SLC12A1: variants seen among roughly 807,000 people sequenced by gnomAD.
SLC12A1 encodes the protein Na-K-2Cl cotransporter.
SLC12A1 carries 89 observed loss-of-function variants against 130.4 expected under a neutral mutation model. That is an observed-to-expected ratio of 0.68 (90% CI 0.58 to 0.81). The LOEUF is 0.81. SLC12A1 is among the 40% of genes least tolerant of loss of function. The pLI is 0.00. For synonymous variants in SLC12A1, 499 were observed against 460.0 expected, an observed-to-expected ratio of 1.08 and a Z score of -1.09; for missense variants, 1,310 against 1,336.4, an observed-to-expected ratio of 0.98 and a Z score of 0.31.
At chr15:48,229,566 T>G (rs955822364) in intron 6 of SLC12A1, among the ~76,000 whole-genome samples, 1 of 152,198 alleles carries the variant, frequency 6.6e-6, no homozygotes, top group Non-Finnish European at 1.5e-5. Flanking sequence ...AAATCTATAA[T>G]ATGGGCTAAT....
intron 2 of SLC12A1, among the ~76,000 whole-genome samples, chr15:48,216,757 A>C (rs2041126262): frequency 6.6e-6 from 1 of 152,228 alleles, no homozygotes; most frequent in Admixed American, 6.5e-5. Flanking sequence ...CACATTCCTC[A>C]ATTCCCTGCT....
intron 19 of SLC12A1, among the ~76,000 whole-genome samples, chr15:48,271,280 C>T (rs934846953): frequency 7.9e-5 from 12 of 152,076 alleles, no homozygotes; most frequent in African/African-American, 1.4e-4. Context: ...GACTCCAGAG[C>T]GGCAATGTTA....
intron 18 of SLC12A1, among the ~76,000 whole-genome samples, chr15:48,268,099 G>C (rs1024839739): frequency 6.6e-6 from 1 of 152,076 alleles, no homozygotes; most frequent in African/African-American, 2.4e-5. Flanking sequence ...TTTTGCAAAT[G>C]GTGTTAGGGC....
At position 48,241,507 on chromosome 15, in the gene SLC12A1, T is replaced by C; in HGVS notation, c.1216-8T>C. 1 of 1,604,704 alleles carries C rather than the reference T, an allele frequency of 6.2e-7. No individual in the cohort carries two copies. Among genetic ancestry groups the C allele is most frequent in the Non-Finnish European group, 8.5e-7 (1 of 1,171,410 alleles). On this transcript the variant is annotated splice_polypyrimidine_tract_variant and splice_region_variant and intron_variant, in intron 9 of 26. Coordinates refer to ENST00000380993, the MANE Select transcript of SLC12A1 (RefSeq NM_000338.3). Reference sequence around the variant, plus strand: ...GTATTCTTCTACCTCCACATTATTTTTTTAAAGGATCCCCAAGATGCCATC... The same window carrying C: ...GTATTCTTCTACCTCCACATTATTTCTTTAAAGGATCCCCAAGATGCCATC...
At chr15:48,249,295 T>C (rs1249141679) in intron 13 of SLC12A1, among the ~76,000 whole-genome samples, 1 of 150,124 alleles carries the variant, frequency 6.7e-6, no homozygotes, top group South Asian at 2.1e-4. Flanking sequence ...GTTAATTGTA[T>C]GCCCAGTCGC....
At chr15:48,251,829 T>A in intron 15 of SLC12A1, 59 bp downstream of exon 15, 1 of 1,492,616 alleles carries the variant, frequency 6.7e-7, no homozygotes, top group Non-Finnish European at 9.3e-7. Context: ...ACTCATTTAT[T>A]AAGCATTTAT....
chr15:48,236,092 A>AAC (rs56371843), intron 9 of SLC12A1, among the ~76,000 whole-genome samples: 2,853 of 145,838 alleles, frequency 0.02, 52 homozygotes, highest in African/African-American at 0.041. Flanking sequence ...AGCCATTTCT[A>AAC]ACACACACAC....
At chr15:48,273,879 A>G (rs1158709656) in intron 19 of SLC12A1, among the ~76,000 whole-genome samples, 1 of 152,226 alleles carries the variant, frequency 6.6e-6, no homozygotes, top group African/African-American at 2.4e-5. Context: ...TAAATGACTC[A>G]AAGTATTAAT....
chr15:48,257,489 C>A (rs2041721269), intron 16 of SLC12A1, among the ~76,000 whole-genome samples: 2 of 152,188 alleles, frequency 1.3e-5, no homozygotes, highest in South Asian at 4.1e-4. Flanking sequence ...GCCTGGATAT[C>A]CAGGCATTTC....
intron 9 of SLC12A1, chr15:48,235,274 C>T (rs1040493375): frequency 4.9e-6 from 2 of 405,042 alleles, no homozygotes; most frequent in Non-Finnish European, 9.0e-6. Flanking sequence ...AAATGTAGTT[C>T]AGTGAAAAAA....
chr15:48,239,062 G>T (rs985525561), intron 9 of SLC12A1, among the ~76,000 whole-genome samples: 3 of 152,160 alleles, frequency 2.0e-5, no homozygotes, highest in African/African-American at 7.2e-5. Context: ...TTTAGGTTTT[G>T]GGTTACTGCG....
chr15:48,219,869 A>C (rs771289794), intron 2 of SLC12A1, among the ~76,000 whole-genome samples: 2 of 152,000 alleles, frequency 1.3e-5, no homozygotes, highest in Non-Finnish European at 2.9e-5. Flanking sequence ...CCTGGGCAAC[A>C]TGGCAAAAGT....
At chr15:48,216,049 C>T (rs1019740098) in intron 2 of SLC12A1, among the ~76,000 whole-genome samples, 1 of 152,224 alleles carries the variant, frequency 6.6e-6, no homozygotes, top group East Asian at 1.9e-4. Flanking sequence ...AAGAAGTATA[C>T]ATTTGGGGTT....
chr15:48,287,089 C>T (rs374268205), intron 21 of SLC12A1, among the ~76,000 whole-genome samples: 1 of 152,188 alleles, frequency 6.6e-6, no homozygotes, highest in East Asian at 1.9e-4. Flanking sequence ...CAGCCCTCCT[C>T]TAAGCACCAG....
intron 24 of SLC12A1, among the ~76,000 whole-genome samples, chr15:48,292,530 T>A (rs905584510): frequency 6.6e-6 from 1 of 152,254 alleles, no homozygotes; most frequent in Non-Finnish European, 1.5e-5. Flanking sequence ...AGTGTCTTAG[T>A]TAGCTCAGGC....
chr15:48,257,681 C>T (rs535752715), intron 16 of SLC12A1, among the ~76,000 whole-genome samples: 22 of 152,290 alleles, frequency 1.4e-4, no homozygotes, highest in Middle Eastern at 3.4e-3. Context: ...CAAAGGGCAC[C>T]AAGTCCCTAG....
intron 2 of SLC12A1, among the ~76,000 whole-genome samples, chr15:48,209,319 A>C (rs1211343386): frequency 6.6e-6 from 1 of 152,068 alleles, no homozygotes; most frequent in African/African-American, 2.4e-5. Flanking sequence ...TGCCCACCTC[A>C]GCCTCCCAAA....
At chr15:48,232,121 A>C (rs556953170) in intron 7 of SLC12A1, among the ~76,000 whole-genome samples, 1 of 152,234 alleles carries the variant, frequency 6.6e-6, no homozygotes, top group Non-Finnish European at 1.5e-5. Context: ...CTATGCAAGA[A>C]GTAGAGTGAA....
intron 16 of SLC12A1, among the ~76,000 whole-genome samples, chr15:48,257,449 A>G (rs2041720705): frequency 1.3e-5 from 2 of 152,130 alleles, no homozygotes; most frequent in South Asian, 2.1e-4. Context: ...GAGGTTCTCC[A>G]TGAGTGCTCT....
Sources: allele counts gnomAD v4.1 joint callset (sites outside exome capture counted in the v4.1 genomes callset), GRCh38; gene constraint gnomAD v4.1.1; transcripts MANE v1.5; gene names NCBI Gene and HGNC (gene_info 2026-07-23, HGNC 2026-07-21).